Variants in HIPK3 observed in about 807,000 individuals in gnomAD.
HIPK3 encodes the protein homeodomain-interacting protein kinase 3.
Under a neutral mutation model 124.2 loss-of-function variants are expected in HIPK3, and 47 were observed. The observed-to-expected ratio is 0.38, with a 90% confidence interval of 0.30 to 0.48. The LOEUF (loss-of-function observed/expected upper bound fraction) is 0.48, where lower values mean the gene tolerates loss of function less well. HIPK3 is among the 20% of genes least tolerant of loss of function. The pLI is 0.98. For missense variants in HIPK3, 1,286 were observed against 1,454.3 expected (o/e 0.88, Z 1.88); for synonymous variants, 482 against 515.2 (o/e 0.94, Z 0.87).
chr11:33,276,755 G>T (rs926291473), intron 1 of HIPK3, among the ~76,000 whole-genome samples: 4 of 151,960 alleles, frequency 2.6e-5, no homozygotes, highest in African/African-American at 7.3e-5. Context: ...GCCCAGGCTG[G>T]AGTGCAGTGG....
At chr11:33,307,257 A>G (rs1852188293) in intron 2 of HIPK3, among the ~76,000 whole-genome samples, 1 of 151,966 alleles carries the variant, frequency 6.6e-6, no homozygotes, top group South Asian at 2.1e-4. Flanking sequence ...CCATTTTTAA[A>G]TAAACTATCT....
At chr11:33,349,376 A>C (rs907584463) in intron 14 of HIPK3, 89 bp downstream of exon 14, 1 of 1,002,870 alleles carries the variant, frequency 1.0e-6, no homozygotes, top group Non-Finnish European at 1.4e-6. Flanking sequence ...AGTACCTGCC[A>C]GTTTACCACA....
At chr11:33,298,808 C>T (rs1378572786) in intron 2 of HIPK3, among the ~76,000 whole-genome samples, 1 of 152,068 alleles carries the variant, frequency 6.6e-6, no homozygotes, top group Admixed American at 6.6e-5. Context: ...GACTGACTTG[C>T]TGCAATCTGA....
rs574545378 is a variant in HIPK3 at position 33,334,210 on chromosome 11, AAT to A, written c.1222-2864_1222-2863del. ...TAAAAAATTGTAATATAGTTATAAT[AAT>A]TATAAATGCATGTTCTAGGTGTGAT... On this transcript the variant is annotated intron_variant, in intron 3 of 16. Transcript: ENST00000303296. 2.4e-3 allele frequency among the ~76,000 whole-genome samples: 361 copies of A among 152,320 alleles called. 1 individual carries two copies. Among genetic ancestry groups the A allele is most frequent in the African/African-American group, 8.6e-3 (356 of 41,568 alleles).
intron 2 of HIPK3, among the ~76,000 whole-genome samples, chr11:33,298,146 G>T (rs1851894434): frequency 6.6e-6 from 1 of 152,064 alleles, no homozygotes; most frequent in South Asian, 2.1e-4. Flanking sequence ...TGTGGCCAAT[G>T]CTCACTTACC....
At chr11:33,349,368 T>G (rs893872364) in intron 14 of HIPK3, 81 bp downstream of exon 14, 11 of 1,159,832 alleles carry the variant, frequency 9.5e-6, no homozygotes, top group Non-Finnish European at 7.3e-6. Context: ...GTTTAATAAG[T>G]ACCTGCCAGT....
intron 1 of HIPK3, among the ~76,000 whole-genome samples, chr11:33,277,985 C>A (rs1016038605): frequency 9.9e-5 from 15 of 152,120 alleles, no homozygotes; most frequent in African/African-American, 3.4e-4. Flanking sequence ...ACGTGTATTG[C>A]AAATAACTTC....
At chr11:33,274,008 G>A (rs566008097) in intron 1 of HIPK3, among the ~76,000 whole-genome samples, 9 of 152,200 alleles carry the variant, frequency 5.9e-5, no homozygotes, top group African/African-American at 1.4e-4. Context: ...TCTCTTTCAG[G>A]TGTGAATATA....
At chr11:33,311,589 T>C (rs1475789245) in intron 2 of HIPK3, among the ~76,000 whole-genome samples, 1 of 152,118 alleles carries the variant, frequency 6.6e-6, no homozygotes, top group Non-Finnish European at 1.5e-5. Context: ...TCTGTACACA[T>C]ACAGCCTGCC....
chr11:33,258,563 T>C (rs1167240778), intron 1 of HIPK3: 4 of 985,474 alleles, frequency 4.1e-6, no homozygotes, highest in Non-Finnish European at 3.6e-6. Flanking sequence ...GCGGCGGGGC[T>C]GTTGCCGGCT....
chr11:33,329,185 A>G (rs760644045), intron 3 of HIPK3, among the ~76,000 whole-genome samples: 4 of 152,180 alleles, frequency 2.6e-5, no homozygotes, highest in Non-Finnish European at 5.9e-5. Flanking sequence ...TTTCAGGTAT[A>G]TTCATTAGCC....
chr11:33,272,479 T>C (rs1005136050), intron 1 of HIPK3, among the ~76,000 whole-genome samples: 3 of 152,130 alleles, frequency 2.0e-5, no homozygotes, highest in Non-Finnish European at 4.4e-5. Context: ...CTTAACTCTT[T>C]AGATGTTTGT....
intron 3 of HIPK3, among the ~76,000 whole-genome samples, chr11:33,331,621 C>T (rs1852986498): frequency 1.3e-5 from 2 of 152,170 alleles, no homozygotes; most frequent in South Asian, 4.1e-4. Flanking sequence ...TTAAGCCATC[C>T]TCCCGCCTGG....
At chr11:33,324,130 A>G (rs1276437386) in intron 2 of HIPK3, among the ~76,000 whole-genome samples, 2 of 152,238 alleles carry the variant, frequency 1.3e-5, no homozygotes, top group South Asian at 2.1e-4. Flanking sequence ...TTTTCCATAC[A>G]TAAGTATATT....
In HIPK3 at chr11:33,286,816, G is replaced by A; in HGVS notation, c.402G>A (p.Leu134=). The A allele has an allele frequency of 3.7e-6, 6 of 1,614,152 alleles. No homozygotes were observed. Among genetic ancestry groups the A allele is most frequent in the Non-Finnish European group, 5.1e-6 (6 of 1,180,038 alleles). Reference sequence around the variant, plus strand: ...GATTGAAGCGCAAGAGTGAGGAGTTGGATAATCATAGCAGCGCAATGCAGA... The same window carrying A: ...GATTGAAGCGCAAGAGTGAGGAGTTAGATAATCATAGCAGCGCAATGCAGA... ...RCGLKRKSEE[L]DNHSSAMQIV... is the part of the protein sequence containing the mutation. Residue 134 remains leucine, a synonymous_variant, in exon 2 of 17, where the codon TTG becomes TTA. Coordinates refer to ENST00000303296, the MANE Select transcript of HIPK3 (RefSeq NM_005734.5).
chr11:33,344,801 C>T (rs1026092293), intron 8 of HIPK3, among the ~76,000 whole-genome samples: 6 of 152,172 alleles, frequency 3.9e-5, no homozygotes, highest in African/African-American at 1.2e-4. Context: ...GAGTGTCTGC[C>T]TTAGAAATGA....
intron 3 of HIPK3, among the ~76,000 whole-genome samples, chr11:33,336,142 G>A (rs1189464159): frequency 1.3e-5 from 2 of 152,148 alleles, no homozygotes; most frequent in African/African-American, 4.8e-5. Flanking sequence ...AGAGTTTGCC[G>A]TTATTTATTG....
rs541029457 is a variant in HIPK3 at position 33,312,240 on chromosome 11, A to G, written c.1098-16270A>G. ...TCCATTTTCTTTATTAGACAATATA[A>G]TTCAGTATATTTGAAGGTGCCTTGA... On this transcript the variant is annotated intron_variant, in intron 2 of 16. Transcript: ENST00000303296. 1.1e-4 allele frequency among the ~76,000 whole-genome samples: 16 copies of G among 152,274 alleles called. No homozygotes were observed. The South Asian group carries it at 2.5e-3, about 24-fold the overall frequency.
At position 33,348,561 on chromosome 11, in the gene HIPK3, A is replaced by G; in HGVS notation, c.2409A>G (p.Ala803=). 1 of 1,613,454 alleles carries G rather than the reference A, an allele frequency of 6.2e-7. No homozygotes were observed. Among genetic ancestry groups the G allele is most frequent in the Non-Finnish European group, 8.5e-7 (1 of 1,179,344 alleles). Residue 803 remains alanine (A), a synonymous_variant, in exon 13 of 17, where the codon GCA becomes GCG. Transcript: ENST00000303296. Reference sequence around the variant, plus strand: ...AGAATACCAATATCCCACATTCAGCATTTATTTCTCCAAAGATAATTAATG... The same window carrying G: ...AGAATACCAATATCCCACATTCAGCGTTTATTTCTCCAAAGATAATTAATG... ...SLQNTNIPHS[A]FISPKIINGK...
Sources: allele counts gnomAD v4.1 joint callset (sites outside exome capture counted in the v4.1 genomes callset), GRCh38; gene constraint gnomAD v4.1.1; transcripts MANE v1.5; gene names NCBI Gene and HGNC (gene_info 2026-07-23, HGNC 2026-07-21).